STK32B: variants seen among roughly 807,000 people sequenced by gnomAD.
STK32B encodes serine/threonine kinase 32B.
STK32B carries 43 observed loss-of-function variants against 52.6 expected under a neutral mutation model. The observed-to-expected ratio is 0.82, with a 90% CI of 0.64 to 1.05. The LOEUF is 1.05. STK32B is among the 50% of genes least tolerant of loss of function. The pLI, the probability that STK32B is intolerant of heterozygous loss-of-function variation, is 0.00. For synonymous variants in STK32B, 238 were observed against 204.3 expected, an observed-to-expected ratio of 1.17 and a Z score of -1.41; for missense variants, 621 against 534.6, an observed-to-expected ratio of 1.16 and a Z score of -1.59.
intron 7 of STK32B, among the ~76,000 whole-genome samples, chr4:5,451,025 C>T (rs1715943278): frequency 6.6e-6 from 1 of 152,194 alleles, no homozygotes; most frequent in Admixed American, 6.5e-5. Flanking sequence ...TGAGCCCTGG[C>T]TTCCTCATTC....
At chr4:5,325,967 T>C (rs192513538) in intron 3 of STK32B, among the ~76,000 whole-genome samples, 1 of 152,318 alleles carries the variant, frequency 6.6e-6, no homozygotes, top group African/African-American at 2.4e-5. Context: ...GAATGTAGGG[T>C]CTGTGGCCTG....
chr4:5,089,759 G>C (rs1712954362), intron 1 of STK32B, among the ~76,000 whole-genome samples: 1 of 152,122 alleles, frequency 6.6e-6, no homozygotes, highest in African/African-American at 2.4e-5. Flanking sequence ...TTTGGTTCCA[G>C]ATCCCTAAGG....
chr4:5,076,538 G>C (rs1038958884), intron 1 of STK32B, among the ~76,000 whole-genome samples: 1 of 152,076 alleles, frequency 6.6e-6, no homozygotes, highest in East Asian at 1.9e-4. Flanking sequence ...ATCACAATTT[G>C]TTGCCCTTTA....
At chr4:5,358,701 G>GCGCGCGCA (rs151338728) in intron 4 of STK32B, among the ~76,000 whole-genome samples, 210 of 106,806 alleles carry the variant, frequency 2.0e-3, no homozygotes, top group African/African-American at 7.6e-3. Context: ...TCACACACAT[G>GCGCGCGCA]CACACACACA....
Position 5,335,772 on chromosome 4 carries a change from C to T in STK32B, c.434+4379C>T, listed in dbSNP as rs140453002. ...TTTCAGGAGCAGGTTGTTCATTTTC[C>T]ATGTAGTTGAGCAGTTTTGAGTGAG... On this transcript the variant is annotated intron_variant, in intron 4 of 11. Coordinates refer to ENST00000282908, the MANE Select transcript of STK32B (RefSeq NM_018401.3). 1.9e-3 allele frequency among the ~76,000 whole-genome samples: 292 copies of T among 152,094 alleles called. 5 individuals carry two copies. Among genetic ancestry groups the T allele is most frequent in the African/African-American group, 5.1e-3 (210 of 41,482 alleles).
At chr4:5,475,652 C>G (rs1718182221) in intron 11 of STK32B, among the ~76,000 whole-genome samples, 2 of 150,232 alleles carry the variant, frequency 1.3e-5, no homozygotes, top group Admixed American at 6.6e-5. Context: ...GAGCCAAGAT[C>G]ACGCCACTGC....
chr4:5,264,657 G>T (rs2108849065), intron 3 of STK32B, among the ~76,000 whole-genome samples: 1 of 152,064 alleles, frequency 6.6e-6, no homozygotes, highest in East Asian at 1.9e-4. Flanking sequence ...CATGGTGGCG[G>T]GCGCCTGTAG....
At chr4:5,041,923 C>T in the STK32B span, among the ~76,000 whole-genome samples, 1 of 151,974 alleles carries the variant, frequency 6.6e-6, no homozygotes, top group African/African-American at 2.4e-5. Context: ...ATAGGCTTAA[C>T]ATAAACGATA....
chr4:5,272,376 G>T (rs1390930221), intron 3 of STK32B, among the ~76,000 whole-genome samples: 5 of 145,556 alleles, frequency 3.4e-5, no homozygotes, highest in African/African-American at 1.1e-4. Context: ...TGGTGGATAA[G>T]CTTTTTGATG....
intron 3 of STK32B, among the ~76,000 whole-genome samples, chr4:5,317,393 A>T (rs1577339577): frequency 3.6e-5 from 3 of 82,638 alleles, no homozygotes; most frequent in African/African-American, 8.2e-5. Context: ...ACATATATAT[A>T]ATATATATAA....
intron 3 of STK32B, among the ~76,000 whole-genome samples, chr4:5,275,045 G>A (rs765017000): frequency 9.2e-5 from 14 of 152,158 alleles, no homozygotes; most frequent in Non-Finnish European, 1.9e-4. Flanking sequence ...AACACTCACT[G>A]CGTGGCCCAA....
chr4:5,176,243 A>G (rs1238129148), intron 3 of STK32B, among the ~76,000 whole-genome samples: 1 of 152,026 alleles, frequency 6.6e-6, no homozygotes, highest in Non-Finnish European at 1.5e-5. Context: ...GACCCGTTGC[A>G]CTTCCCAGGT....
In STK32B at chr4:5,397,901, A is replaced by G. The variant is rs1187286181; in HGVS notation, c.435-306A>G. ...CAGGTGCTTCCCCTTGCTGGTGCTG[A>G]TCACATGCTTAGTGAGCAGTCACTG... On this transcript the variant is annotated intron_variant, in intron 4 of 11. Coordinates refer to ENST00000282908, the MANE Select transcript of STK32B (RefSeq NM_018401.3). 4.6e-5 allele frequency among the ~76,000 whole-genome samples: 7 copies of G among 152,370 alleles called. No individual in the cohort carries two copies. In the East Asian group the frequency reaches 1.2e-3, roughly 25 times the overall value.
intron 4 of STK32B, among the ~76,000 whole-genome samples, chr4:5,387,850 T>C (rs1299459451): frequency 6.6e-6 from 1 of 152,222 alleles, no homozygotes; most frequent in African/African-American, 2.4e-5. Flanking sequence ...GTTCAAGTGA[T>C]TCTCCTGCCT....
In STK32B at chr4:5,400,863, T is replaced by C. The variant is rs1378953393; in HGVS notation, c.472+2619T>C. 6.6e-6 allele frequency among the ~76,000 whole-genome samples: 1 copy of C among 152,192 alleles called. No individual in the cohort carries two copies. Among genetic ancestry groups the C allele is most frequent in the Non-Finnish European group, 1.5e-5 (1 of 68,044 alleles). ...TGCCAAGTTCTGGTTAACAGAATGA[T>C]GAACAAGGCAAACAGGGTCCCAACG... On this transcript the variant is annotated intron_variant, in intron 5 of 11. Coordinates refer to ENST00000282908, the MANE Select transcript of STK32B (RefSeq NM_018401.3). This position sits in a 1 kb window ranked among gnomAD's most constrained non-coding sequence, Gnocchi z 6.1.
chr4:5,388,008 G>C (rs1200189614), intron 4 of STK32B, among the ~76,000 whole-genome samples: 2 of 152,122 alleles, frequency 1.3e-5, no homozygotes, highest in African/African-American at 2.4e-5. Context: ...GCCTCCCAAA[G>C]TACTGGGATT....
chr4:5,252,036 C>A (rs1725969440), intron 3 of STK32B, among the ~76,000 whole-genome samples: 1 of 152,094 alleles, frequency 6.6e-6, no homozygotes, highest in Non-Finnish European at 1.5e-5. Flanking sequence ...TTGAACTTTT[C>A]CAACCTGAAG....
At chr4:5,193,920 T>A (rs185360335) in intron 3 of STK32B, among the ~76,000 whole-genome samples, 1 of 152,178 alleles carries the variant, frequency 6.6e-6, no homozygotes, top group African/African-American at 2.4e-5. Context: ...GAAGCAGATA[T>A]CCTTTCCCTA....
At chr4:5,370,555 C>G (rs1409863818) in intron 4 of STK32B, among the ~76,000 whole-genome samples, 1 of 152,236 alleles carries the variant, frequency 6.6e-6, no homozygotes, top group Non-Finnish European at 1.5e-5. Context: ...GGCTTGGATG[C>G]TTCCAAGAAG....
Sources: gnomAD v4.1 joint callset for allele counts (sites outside exome capture counted in the v4.1 genomes callset) on GRCh38, gnomAD v4.1.1 for gene constraint, Gnocchi (gnomAD v3.1) non-coding constraint, MANE v1.5 for transcripts, NCBI Gene and HGNC (gene_info 2026-07-23, HGNC 2026-07-21) for gene names.